The following ST6GALNAC3 variants were observed in gnomAD, a reference collection of about 807,000 sequenced individuals.
ST6GALNAC3 encodes ST6 N-acetylgalactosaminide alpha-2,6-sialyltransferase 3.
Under a neutral mutation model 32.7 loss-of-function variants are expected in ST6GALNAC3, and 25 were observed. The observed-to-expected ratio is 0.76, with a 90% CI of 0.56 to 1.07. The LOEUF (loss-of-function observed/expected upper bound fraction) is 1.07, where lower values mean the gene tolerates loss of function less well. Ranked by LOEUF, ST6GALNAC3 falls within the 50% of genes least tolerant of loss-of-function variation. The probability of loss-of-function intolerance (pLI) is 0.00; values close to 1 mark genes in which losing one functional copy is unlikely to be tolerated. For missense variants in ST6GALNAC3, 355 were observed against 382.4 expected, an observed-to-expected ratio of 0.93 and a Z score of 0.60; for synonymous variants, 129 against 133.1, an observed-to-expected ratio of 0.97 and a Z score of 0.21.
chr1:76,596,147 A>G (rs1468658544), intron 3 of ST6GALNAC3, among the ~76,000 whole-genome samples: 2 of 152,180 alleles, frequency 1.3e-5, no homozygotes, highest in East Asian at 1.9e-4. Context: ...GTGTATTAAC[A>G]TGAAGCCTGG....
At chr1:76,222,065 GTAT>G (rs1655803489) in intron 1 of ST6GALNAC3, among the ~76,000 whole-genome samples, 1 of 152,086 alleles carries the variant, frequency 6.6e-6, no homozygotes, top group Non-Finnish European at 1.5e-5. Context: ...ATTTGTGTAT[GTAT>G]TATTTTTCCT....
chr1:76,509,838 A>C lies in ST6GALNAC3; in HGVS notation c.623+97421A>C, dbSNP rs113522269. Among the ~76,000 whole-genome samples the C allele has an allele frequency of 9.2e-5, 14 of 152,256 alleles. No homozygotes were observed. Among genetic ancestry groups the C allele is most frequent in the African/African-American group, 3.4e-4 (14 of 41,552 alleles). ...CTCTATTTCTCTTTTAAGGACCCCC[A>C]TGGTTACATTGGGCCAGAATAATCC... is the stretch of plus-strand genomic sequence containing the variant. On this transcript the variant is annotated intron_variant, in intron 3 of 4. Coordinates refer to ENST00000328299, the MANE Select transcript of ST6GALNAC3 (RefSeq NM_152996.4). The surrounding 1 kb of genome is among the most constrained non-coding windows in gnomAD (Gnocchi z 5.5).
At chr1:76,079,342 T>C (rs1196756868) in intron 1 of ST6GALNAC3, among the ~76,000 whole-genome samples, 1 of 152,230 alleles carries the variant, frequency 6.6e-6, no homozygotes, top group Admixed American at 6.5e-5. Context: ...TACTTTAAAA[T>C]TTTATGCAAG....
chr1:76,364,818 T>G (rs1650239592), intron 2 of ST6GALNAC3, among the ~76,000 whole-genome samples: 1 of 151,788 alleles, frequency 6.6e-6, no homozygotes, highest in South Asian at 2.1e-4. Flanking sequence ...TGTTAAAAAG[T>G]CGGAAAATGA....
At chr1:76,600,071 T>C (rs1647198831) in intron 3 of ST6GALNAC3, among the ~76,000 whole-genome samples, 2 of 152,060 alleles carry the variant, frequency 1.3e-5, no homozygotes, top group Admixed American at 1.3e-4. Flanking sequence ...TATCAGGAAG[T>C]GAGGCCTTTG....
At chr1:76,146,674 T>C (rs1174775747) in intron 1 of ST6GALNAC3, among the ~76,000 whole-genome samples, 1 of 152,192 alleles carries the variant, frequency 6.6e-6, no homozygotes, top group East Asian at 1.9e-4. Flanking sequence ...CCTGCCAGGT[T>C]TTAATAGGGG....
At chr1:76,341,605 T>TTTTA (rs1553181634) in intron 2 of ST6GALNAC3, among the ~76,000 whole-genome samples, 2 of 91,186 alleles carry the variant, frequency 2.2e-5, no homozygotes, top group East Asian at 3.4e-4. Context: ...TCCAAACTGC[T>TTTTA]TTTCTTTCTT....
At chr1:76,303,526 T>G (rs1660855668) in intron 1 of ST6GALNAC3, among the ~76,000 whole-genome samples, 1 of 152,104 alleles carries the variant, frequency 6.6e-6, no homozygotes, top group Non-Finnish European at 1.5e-5. Context: ...GAATCCACTT[T>G]TAGCTTTGTA....
chr1:76,308,396 A>C (rs544401153), intron 1 of ST6GALNAC3, among the ~76,000 whole-genome samples: 2 of 152,120 alleles, frequency 1.3e-5, no homozygotes, highest in Non-Finnish European at 2.9e-5. Flanking sequence ...TTTATATTGC[A>C]TATATGCCAT....
At chr1:76,109,828 G>A (rs1201435420) in intron 1 of ST6GALNAC3, among the ~76,000 whole-genome samples, 1 of 152,208 alleles carries the variant, frequency 6.6e-6, no homozygotes, top group Non-Finnish European at 1.5e-5. Flanking sequence ...ATGGCTACCT[G>A]AGCATTAGTC....
chr1:76,634,480 C>T lies in ST6GALNAC3; in HGVS notation c.*5674C>T, dbSNP rs911053415. 1 of 152,030 alleles carries T rather than the reference C, an allele frequency of 6.6e-6. No individual in the cohort carries two copies. The highest frequency in any genetic ancestry group is 2.4e-5 in the African/African-American group (1 of 41,382). 9.4% of individuals were successfully genotyped at this position (152,030 alleles called of 1,614,324 possible). The stretch of plus-strand genomic sequence containing the variant: ...TCTCATTCATTTTAAAACCCATAAT[C>T]TTCATCTATTTTTAGAAGAAAGTGT... On this transcript the variant is annotated 3_prime_UTR_variant, in exon 5 of 5. Transcript: ENST00000328299.
intron 3 of ST6GALNAC3, among the ~76,000 whole-genome samples, chr1:76,443,315 T>C (rs1656745188): frequency 6.6e-6 from 1 of 152,148 alleles, no homozygotes; most frequent in South Asian, 2.1e-4. Flanking sequence ...CACTGTGTTA[T>C]CTATGGATAA....
chr1:76,133,903 G>A (rs527489053), intron 1 of ST6GALNAC3, among the ~76,000 whole-genome samples: 13 of 152,154 alleles, frequency 8.5e-5, no homozygotes, highest in Non-Finnish European at 7.4e-5. Context: ...AGCCCCTCCC[G>A]ATAACCAATG....
chr1:76,380,675 T>C (rs1244121563), intron 2 of ST6GALNAC3, among the ~76,000 whole-genome samples: 1 of 152,016 alleles, frequency 6.6e-6, no homozygotes, highest in Non-Finnish European at 1.5e-5. Flanking sequence ...ACAAAGATAA[T>C]AACAGAAAAA....
intron 1 of ST6GALNAC3, among the ~76,000 whole-genome samples, chr1:76,135,002 C>T (rs1454880395): frequency 3.3e-5 from 5 of 151,934 alleles, no homozygotes; most frequent in East Asian, 1.9e-4. Flanking sequence ...ATTAGCCAGG[C>T]GTGGTGGCAT....
rs1370055507 is a variant in ST6GALNAC3, at chr1:76,366,992, G to T, written c.214-45016G>T. ...CAGTGTCAGAAAATGACAGTGTGGG[G>T]CTCCAAGGCTGAGAATCAGTGGGGC... On this transcript the variant is annotated intron_variant, in intron 2 of 4. Transcript: ENST00000328299. 2.6e-5 allele frequency among the ~76,000 whole-genome samples: 4 copies of T among 152,154 alleles called. No individual in the cohort carries two copies. In the East Asian group the frequency reaches 5.8e-4, roughly 22 times the overall value.
chr1:76,353,984 G>T, intron 2 of ST6GALNAC3: 1 of 183,380 alleles, frequency 5.5e-6, no homozygotes, highest in African/African-American at 2.3e-5. Flanking sequence ...AGTTCTGTCA[G>T]GTCCACCTTG....
intron 1 of ST6GALNAC3, among the ~76,000 whole-genome samples, chr1:76,153,996 G>A (rs1271430405): frequency 6.6e-6 from 1 of 152,136 alleles, no homozygotes; most frequent in East Asian, 1.9e-4. Context: ...TGCCTGTCCC[G>A]CCGTCTGTAG....
intron 3 of ST6GALNAC3, among the ~76,000 whole-genome samples, chr1:76,534,687 T>C (rs769513814): frequency 1.3e-5 from 2 of 152,212 alleles, no homozygotes; most frequent in Admixed American, 6.5e-5. Flanking sequence ...CAATAAATCA[T>C]TGTTTATTCA....
Sources: gnomAD v4.1 joint callset for allele counts (sites outside exome capture counted in the v4.1 genomes callset) on GRCh38, gnomAD v4.1.1 for gene constraint, Gnocchi (gnomAD v3.1) non-coding constraint, MANE v1.5 for transcripts, NCBI Gene and HGNC (gene_info 2026-07-23, HGNC 2026-07-21) for gene names.